The following MED15 variants were observed in gnomAD, a reference collection of about 807,000 sequenced individuals.
MED15 encodes mediator of RNA polymerase II transcription subunit 15.
A neutral mutation model predicts 118.7 loss-of-function variants in MED15; 41 were observed. The ratio of observed to expected loss-of-function variants is 0.35; its 90% CI spans 0.27 to 0.45. The LOEUF (loss-of-function observed/expected upper bound fraction) is 0.45. Among genes scored for constraint, MED15 ranks in the 20% least tolerant of loss-of-function variants. The pLI is 1.00. For synonymous variants in MED15, 436 were observed against 413.9 expected (o/e 1.05, Z -0.65); for missense variants, 740 against 1,025.5 (o/e 0.72, Z 3.80).
At chr22:20,521,139 C>T (rs1400746049) in intron 1 of MED15, among the ~76,000 whole-genome samples, 2 of 137,394 alleles carry the variant, frequency 1.5e-5, no homozygotes, top group African/African-American at 2.8e-5. Flanking sequence ...CTCTGTTACC[C>T]AGGCTGGAGT....
chr22:20,525,850 A>T (rs2054625729), intron 1 of MED15, among the ~76,000 whole-genome samples: 2 of 151,910 alleles, frequency 1.3e-5, no homozygotes, highest in Admixed American at 1.3e-4. Context: ...GACCCTTCTT[A>T]ATAGCTATTG....
chr22:20,516,986 G>A (rs968475761), intron 1 of MED15, among the ~76,000 whole-genome samples: 1 of 151,952 alleles, frequency 6.6e-6, no homozygotes, highest in Non-Finnish European at 1.5e-5. Flanking sequence ...AGGCTGGAGT[G>A]CAGCAGTACA....
intron 9 of MED15, among the ~76,000 whole-genome samples, chr22:20,581,128 C>T (rs2056968246): frequency 6.6e-6 from 1 of 152,226 alleles, no homozygotes; most frequent in Non-Finnish European, 1.5e-5. Flanking sequence ...GCCCCCCACC[C>T]CCTGGTCTCC....
chr22:20,527,452 C>CG (rs1324668134), intron 1 of MED15, among the ~76,000 whole-genome samples: 2 of 147,058 alleles, frequency 1.4e-5, no homozygotes, highest in Non-Finnish European at 3.0e-5. Flanking sequence ...TAAATTCTAC[C>CG]GTTTTTTTTG....
intron 1 of MED15, among the ~76,000 whole-genome samples, chr22:20,528,841 C>T (rs1291643884): frequency 6.6e-6 from 1 of 152,214 alleles, no homozygotes; most frequent in Non-Finnish European, 1.5e-5. Flanking sequence ...CCCCCTAGTC[C>T]AGTGACTATC....
chr22:20,524,840 C>T (rs8137443), intron 1 of MED15, among the ~76,000 whole-genome samples: 4,518 of 152,102 alleles, frequency 0.03, 235 homozygotes, highest in African/African-American at 0.1. Context: ...ATTTCGAACT[C>T]CTGACCTCGT....
At chr22:20,549,875 G>A (rs1213506323) in intron 2 of MED15, among the ~76,000 whole-genome samples, 1 of 152,198 alleles carries the variant, frequency 6.6e-6, no homozygotes. Context: ...AGTGGGTCTT[G>A]CTCAGCCCTG....
intron 1 of MED15, among the ~76,000 whole-genome samples, chr22:20,532,782 G>T (rs1369802692): frequency 6.6e-6 from 1 of 152,182 alleles, no homozygotes; most frequent in Non-Finnish European, 1.5e-5. Context: ...GACTGTGGCA[G>T]GACAGCCATC....
At chr22:20,542,072 G>A (rs2055336052) in intron 2 of MED15, among the ~76,000 whole-genome samples, 1 of 152,202 alleles carries the variant, frequency 6.6e-6, no homozygotes, top group Non-Finnish European at 1.5e-5. Flanking sequence ...TGGGATTACA[G>A]GGGTGAGCCA....
At chr22:20,520,979 A>G (rs927665349) in intron 1 of MED15, among the ~76,000 whole-genome samples, 7 of 151,216 alleles carry the variant, frequency 4.6e-5, no homozygotes, top group Middle Eastern at 3.4e-3. Context: ...GGCTCAAGCA[A>G]TCCACCTGCT....
At chr22:20,520,665 A>G (rs2054413735) in intron 1 of MED15, among the ~76,000 whole-genome samples, 1 of 152,184 alleles carries the variant, frequency 6.6e-6, no homozygotes, top group African/African-American at 2.4e-5. Flanking sequence ...GCACCCAGCC[A>G]GGGCAAACTG....
chr22:20,572,966 CT>C (rs361635), intron 8 of MED15, among the ~76,000 whole-genome samples: 479 of 136,946 alleles, frequency 3.5e-3, no homozygotes, highest in African/African-American at 3.9e-3. Flanking sequence ...ATCTCATTTT[CT>C]TTTTTTTTTT....
intron 5 of MED15, among the ~76,000 whole-genome samples, chr22:20,556,188 C>A (rs764335701): frequency 6.6e-6 from 1 of 152,142 alleles, no homozygotes; most frequent in Admixed American, 6.5e-5. Flanking sequence ...CCCACATGCC[C>A]TTTACCCAGC....
chr22:20,517,646 A>G (rs945392086), intron 1 of MED15, among the ~76,000 whole-genome samples: 7 of 152,086 alleles, frequency 4.6e-5, no homozygotes, highest in Non-Finnish European at 8.8e-5. Flanking sequence ...GCTTGAATCA[A>G]TCATTTCCTG....
chr22:20,532,433 G>T (rs1030759040), intron 1 of MED15, among the ~76,000 whole-genome samples: 2 of 152,180 alleles, frequency 1.3e-5, no homozygotes, highest in South Asian at 4.1e-4. Context: ...ACCCCTTAGT[G>T]GGGGAGCTCC....
chr22:20,534,101 A>T (rs926314041), intron 1 of MED15, among the ~76,000 whole-genome samples: 1 of 151,420 alleles, frequency 6.6e-6, no homozygotes, highest in African/African-American at 2.4e-5. Context: ...ACTGGTTGTC[A>T]CTCCCCAGAC....
intron 8 of MED15, chr22:20,574,626 G>A (rs573093132): frequency 6.5e-6 from 1 of 154,266 alleles, no homozygotes; most frequent in Admixed American, 6.4e-5. Context: ...GTGCCACTGA[G>A]AAGGAGGGAT....
intron 9 of MED15, among the ~76,000 whole-genome samples, chr22:20,578,120 T>C (rs2056877025): frequency 1.3e-5 from 2 of 152,162 alleles, no homozygotes; most frequent in African/African-American, 4.8e-5. Flanking sequence ...AGATGGGGTT[T>C]CACCATGTTG....
intron 5 of MED15, among the ~76,000 whole-genome samples, chr22:20,562,100 G>A (rs2056264996): frequency 1.3e-5 from 2 of 152,130 alleles, no homozygotes. Flanking sequence ...CGCTGAGTCT[G>A]CAATGAGCCA....
Sources: allele counts gnomAD v4.1 joint callset (sites outside exome capture counted in the v4.1 genomes callset), GRCh38; gene constraint gnomAD v4.1.1; transcripts MANE v1.5; gene names NCBI Gene and HGNC (gene_info 2026-07-23, HGNC 2026-07-21).